The following JAZF1 variants were observed in gnomAD, a reference collection of about 807,000 sequenced individuals.
JAZF1 encodes the protein JAZF zinc finger 1, also known as juxtaposed with another zinc finger protein 1.
A neutral mutation model predicts 26.4 loss-of-function variants in JAZF1; 8 were observed. The observed-to-expected ratio is 0.30, with a 90% confidence interval of 0.18 to 0.55. JAZF1 has a LOEUF of 0.55. Among genes scored for constraint, JAZF1 ranks in the 20% least tolerant of loss-of-function variants. JAZF1 has a pLI of 0.94. For missense variants in JAZF1, 199 were observed against 322.0 expected, an observed-to-expected ratio of 0.62 and a Z score of 2.92; for synonymous variants, 126 against 122.3, an observed-to-expected ratio of 1.03 and a Z score of -0.20.
intron 3 of JAZF1, among the ~76,000 whole-genome samples, chr7:27,869,298 A>C (rs137936319): frequency 6.6e-6 from 1 of 152,306 alleles, no homozygotes; most frequent in African/African-American, 2.4e-5. Context: ...CCTGCTGTGA[A>C]TGGAAATGCG....
At chr7:27,994,727 T>C (rs1785979480) in intron 1 of JAZF1, among the ~76,000 whole-genome samples, 1 of 152,186 alleles carries the variant, frequency 6.6e-6, no homozygotes, top group African/African-American at 2.4e-5. Context: ...AGGAGTCAAA[T>C]CAGCTGCTGG....
chr7:27,861,681 ACTGT>A (rs778866895), intron 3 of JAZF1, among the ~76,000 whole-genome samples: 1 of 152,018 alleles, frequency 6.6e-6, no homozygotes, highest in Non-Finnish European at 1.5e-5. Flanking sequence ...GGTCTCTGAC[ACTGT>A]CTGTCCTGGA....
intron 3 of JAZF1, among the ~76,000 whole-genome samples, chr7:27,863,280 G>C (rs767142245): frequency 6.6e-6 from 1 of 152,094 alleles, no homozygotes; most frequent in Admixed American, 6.5e-5. Context: ...GGGTCCCTTT[G>C]ATGACCCTGT....
chr7:27,995,280 T>C (rs2128366216), intron 1 of JAZF1, among the ~76,000 whole-genome samples: 1 of 152,316 alleles, frequency 6.6e-6, no homozygotes, highest in South Asian at 2.1e-4. Context: ...GTCTATGGAA[T>C]AAAAGCACTT....
At chr7:28,070,115 T>G (rs1783954097) in intron 1 of JAZF1, among the ~76,000 whole-genome samples, 1 of 152,178 alleles carries the variant, frequency 6.6e-6, no homozygotes, top group African/African-American at 2.4e-5. Flanking sequence ...CCTTGATTGG[T>G]CCTCACTCTC....
At chr7:27,992,374 G>T in intron 1 of JAZF1, 1 of 337,556 alleles carries the variant, frequency 3.0e-6, no homozygotes, top group Non-Finnish European at 5.9e-6. Context: ...CCATTGGAAA[G>T]CTCCATCAAT....
intron 3 of JAZF1, among the ~76,000 whole-genome samples, chr7:27,877,832 G>A (rs1783705480): frequency 6.6e-6 from 1 of 152,112 alleles, no homozygotes; most frequent in African/African-American, 2.4e-5. Flanking sequence ...TCTTCCTGTT[G>A]AGTTCATCAG....
At chr7:27,964,190 T>A (rs894586292) in intron 2 of JAZF1, among the ~76,000 whole-genome samples, 3 of 152,196 alleles carry the variant, frequency 2.0e-5, no homozygotes, top group Non-Finnish European at 4.4e-5. Context: ...TTGTAACATC[T>A]GTATCCTTTT....
At chr7:27,941,792 T>A (rs1784851858) in intron 2 of JAZF1, among the ~76,000 whole-genome samples, 1 of 152,194 alleles carries the variant, frequency 6.6e-6, no homozygotes, top group Admixed American at 6.5e-5. Flanking sequence ...CTAATTATGA[T>A]GCATCTTACT....
Position 28,088,272 on chromosome 7 carries a change from A to G in JAZF1, c.115+92191T>C, listed in dbSNP as rs372568380. On this transcript the variant is annotated intron_variant, in intron 1 of 4. Coordinates refer to ENST00000283928, the MANE Select transcript of JAZF1 (RefSeq NM_175061.4). Reference sequence around the variant, plus strand: ...CATCACTTTTAAAACTGCAACTTCTACATTTTTCTGCAAGTCTCTCTTCCG... The same window carrying G: ...CATCACTTTTAAAACTGCAACTTCTGCATTTTTCTGCAAGTCTCTCTTCCG... Among the ~76,000 whole-genome samples, 29 of 152,366 alleles carry G rather than the reference A, an allele frequency of 1.9e-4. No homozygotes were observed. The East Asian group carries it at 5.4e-3, about 28-fold the overall frequency.
At chr7:28,141,494 G>C (rs1782958372) in intron 1 of JAZF1, among the ~76,000 whole-genome samples, 2 of 152,142 alleles carry the variant, frequency 1.3e-5, no homozygotes, top group South Asian at 4.1e-4. Flanking sequence ...CAATAAGACT[G>C]TCAATTCAAC....
intron 1 of JAZF1, among the ~76,000 whole-genome samples, chr7:28,019,585 T>C (rs1782968449): frequency 6.6e-6 from 1 of 152,070 alleles, no homozygotes; most frequent in South Asian, 2.1e-4. Context: ...CATCCTCTGA[T>C]TGATTTATAC....
intron 1 of JAZF1, among the ~76,000 whole-genome samples, chr7:28,128,233 TG>T (rs1451115665): frequency 2.6e-5 from 4 of 152,046 alleles, no homozygotes; most frequent in Non-Finnish European, 5.9e-5. Context: ...TTACTAGAAA[TG>T]CATATTCGAC....
chr7:28,132,070 T>C lies in JAZF1; in HGVS notation c.115+48393A>G, dbSNP rs111519635. Among the ~76,000 whole-genome samples, 299 of 152,346 alleles carry C rather than the reference T, an allele frequency of 2.0e-3. 1 individual carries two copies. Among genetic ancestry groups the C allele is most frequent in the Non-Finnish European group, 2.3e-3 (155 of 68,026 alleles). On this transcript the variant is annotated intron_variant, in intron 1 of 4. Transcript: ENST00000283928. The stretch of plus-strand genomic sequence containing the variant: ...TGGGTAAAACATTTCCTACTTGGAA[T>C]TCCATGGAGAATATCATTACATGTA...
At chr7:28,130,841 T>G (rs1161609865) in intron 1 of JAZF1, among the ~76,000 whole-genome samples, 1 of 152,186 alleles carries the variant, frequency 6.6e-6, no homozygotes, top group Admixed American at 6.5e-5. Flanking sequence ...CACAAGAGAT[T>G]GGATAGAATA....
intron 1 of JAZF1, among the ~76,000 whole-genome samples, chr7:28,114,144 G>A (rs544563332): frequency 9.9e-5 from 15 of 152,272 alleles, no homozygotes; most frequent in African/African-American, 2.6e-4. Flanking sequence ...GTTGGTAACC[G>A]AAGTAAGATC....
At chr7:28,118,994 C>G (rs150928550) in intron 1 of JAZF1, among the ~76,000 whole-genome samples, 2 of 152,276 alleles carry the variant, frequency 1.3e-5, no homozygotes, top group African/African-American at 4.8e-5. Context: ...GGGAGAATCC[C>G]TTGGAATGAA....
chr7:28,085,700 T>TA (rs1784202551), intron 1 of JAZF1, among the ~76,000 whole-genome samples: 1 of 152,224 alleles, frequency 6.6e-6, no homozygotes, highest in Non-Finnish European at 1.5e-5. Context: ...ATGAGGCAGG[T>TA]AAAATCTGTA....
At chr7:28,056,576 T>A (rs1783715683) in intron 1 of JAZF1, among the ~76,000 whole-genome samples, 1 of 152,044 alleles carries the variant, frequency 6.6e-6, no homozygotes, top group African/African-American at 2.4e-5. Flanking sequence ...TCCTTAAGAA[T>A]CACATCCACC....
Sources: allele counts gnomAD v4.1 joint callset (sites outside exome capture counted in the v4.1 genomes callset), GRCh38; gene constraint gnomAD v4.1.1; transcripts MANE v1.5; gene names NCBI Gene and HGNC (gene_info 2026-07-23, HGNC 2026-07-21).